The following AMZ2 variants were observed in gnomAD, a reference collection of about 807,000 sequenced individuals.
AMZ2 encodes archaelysin family metallopeptidase 2.
AMZ2 carries 26 observed loss-of-function variants against 36.7 expected under a neutral mutation model. That is an observed-to-expected ratio of 0.71 (90% CI 0.52 to 0.98). The LOEUF is 0.98. AMZ2 is among the 50% of genes least tolerant of loss of function. The pLI, the probability that AMZ2 is intolerant of heterozygous loss-of-function variation, is 0.00. For missense variants in AMZ2, 394 were observed against 430.5 expected (o/e 0.92, Z 0.75); for synonymous variants, 144 against 149.1 (o/e 0.97, Z 0.25).
At position 68,248,058 on chromosome 17, in the gene AMZ2, G is replaced by C; in HGVS notation, c.-648G>C. 1 of 986,268 alleles carries C rather than the reference G, an allele frequency of 1.0e-6. No individual in the cohort carries two copies. Among genetic ancestry groups the C allele is most frequent in the Non-Finnish European group, 1.2e-6 (1 of 830,556 alleles). 61.1% of individuals were successfully genotyped at this position (986,268 alleles called of 1,614,324 possible). A position where few individuals can be genotyped will look rare whatever the true frequency, so the allele number is the denominator to read the frequency against. On this transcript the variant is annotated 5_prime_UTR_variant, in exon 1 of 7. Transcript: ENST00000359904. ...GGCGTGGCGCAGTGCGAAGGGACGC[G>C]GTGCGCATGCGCGTGAGGGCTGCCG...
chr17:68,256,741 G>A, intron 6 of AMZ2, 73 bp from the exon 7 acceptor site: 3 of 1,507,438 alleles, frequency 2.0e-6, no homozygotes, highest in Non-Finnish European at 9.0e-7. Context: ...TGATCTAGAA[G>A]CCAATGCTTC....
intron 1 of AMZ2, among the ~76,000 whole-genome samples, chr17:68,230,686 A>G (rs9894222): frequency 0.32 from 48,204 of 152,010 alleles, 7,854 homozygotes; most frequent in Admixed American, 0.43. Flanking sequence ...TCATTTTATT[A>G]AGAAGGGAAC....
intron 1 of AMZ2, among the ~76,000 whole-genome samples, chr17:68,220,071 T>C (rs754850808): frequency 5.3e-5 from 8 of 152,204 alleles, no homozygotes; most frequent in Non-Finnish European, 1.2e-4. Flanking sequence ...ATATGAATTA[T>C]ATCTCAATAA....
intron 1 of AMZ2, among the ~76,000 whole-genome samples, chr17:68,241,474 C>T (rs2144645769): frequency 6.6e-6 from 1 of 152,178 alleles, no homozygotes; most frequent in South Asian, 2.1e-4. Flanking sequence ...GTCCTCATTT[C>T]TCATGGCAGT....
upstream of AMZ2, chr17:68,247,790 G>A: frequency 1.0e-6 from 1 of 985,556 alleles, no homozygotes; most frequent in Non-Finnish European, 1.2e-6. Context: ...CCGCGGAGCC[G>A]CCGCGAGCGC....
intron 1 of AMZ2, among the ~76,000 whole-genome samples, chr17:68,221,989 A>C (rs2144549336): frequency 6.6e-6 from 1 of 152,370 alleles, no homozygotes; most frequent in South Asian, 2.1e-4. Flanking sequence ...AAGTAAAGTT[A>C]GGGCTGCTGA....
In AMZ2 at chr17:68,255,840, GTGTGCTGTTGGCTTC is replaced by G; in HGVS notation, c.892_906del (p.Cys298_Phe302del). ...GCCCTATCTGTTTGCACAAGTTGCAGTGTGCTGTTGGCTTCAGCATTGTAGAAAGATACAAAGTAA... is the reference window on the plus strand; with the variant it reads ...GCCCTATCTGTTTGCACAAGTTGCAGAGCATTGTAGAAAGATACAAAGTAA... On this transcript the variant is annotated inframe_deletion, in exon 6 of 7. Coordinates refer to ENST00000359904, the MANE Select transcript of AMZ2 (RefSeq NM_016627.5). 1 of 1,614,204 alleles carries G rather than the reference GTGTGCTGTTGGCTTC, an allele frequency of 6.2e-7. No individual in the cohort carries two copies. The highest frequency in any genetic ancestry group is 2.2e-5 in the East Asian group (1 of 44,876).
intron 1 of AMZ2, among the ~76,000 whole-genome samples, chr17:68,213,165 G>GA (rs1167335969): frequency 9.2e-5 from 14 of 152,172 alleles, no homozygotes; most frequent in Admixed American, 2.0e-4. Context: ...CTTACCTGGT[G>GA]AAAAAAATGA....
At chr17:68,218,485 C>T (rs139313684) in intron 1 of AMZ2, among the ~76,000 whole-genome samples, 112 of 152,288 alleles carry the variant, frequency 7.4e-4, no homozygotes, top group Middle Eastern at 3.4e-3. Flanking sequence ...AACCACCACA[C>T]GCATTTAAGC....
intron 1 of AMZ2, among the ~76,000 whole-genome samples, chr17:68,218,606 T>C (rs1484407539): frequency 2.0e-5 from 3 of 152,200 alleles, no homozygotes; most frequent in Admixed American, 2.0e-4. Flanking sequence ...CATGTGAGCT[T>C]ATTGACTTTA....
intron 1 of AMZ2, among the ~76,000 whole-genome samples, chr17:68,228,911 G>A (rs117759819): frequency 0.016 from 2,397 of 152,338 alleles, 30 homozygotes; most frequent in Non-Finnish European, 0.027. Context: ...GGCCCTGTGT[G>A]TGTAGTATCC....
At chr17:68,211,546 G>A (rs1555725916) in intron 1 of AMZ2, among the ~76,000 whole-genome samples, 1 of 150,612 alleles carries the variant, frequency 6.6e-6, no homozygotes, top group Admixed American at 6.6e-5. Flanking sequence ...AAATAGTGGT[G>A]ATGGTTTTAC....
At chr17:68,233,946 C>T (rs2073729254) in intron 1 of AMZ2, among the ~76,000 whole-genome samples, 1 of 152,116 alleles carries the variant, frequency 6.6e-6, no homozygotes, top group African/African-American at 2.4e-5. Flanking sequence ...GTCAATAAGT[C>T]GTGTTTTATT....
intron 1 of AMZ2, among the ~76,000 whole-genome samples, chr17:68,209,632 A>ATATATATATGTATATATATATT: frequency 2.3e-4 from 21 of 90,668 alleles, no homozygotes; most frequent in South Asian, 3.9e-4. Context: ...ATATATATAT[A>ATATATATATGTATATATATATT]TTTTTTTTTT....
chr17:68,221,215 C>CCG (rs1555728432), intron 1 of AMZ2, among the ~76,000 whole-genome samples: 1 of 91,260 alleles, frequency 1.1e-5, no homozygotes, highest in Non-Finnish European at 2.3e-5. Context: ...CAGCTCCCCC[C>CCG]CCCGCCCCCC....
intron 1 of AMZ2, among the ~76,000 whole-genome samples, chr17:68,236,293 C>T (rs534901970): frequency 2.0e-5 from 3 of 151,938 alleles, no homozygotes; most frequent in South Asian, 4.1e-4. Flanking sequence ...TTTATAAACA[C>T]TTAAACTATG....
At chr17:68,224,378 C>G (rs1396970857) in intron 1 of AMZ2, among the ~76,000 whole-genome samples, 1 of 152,202 alleles carries the variant, frequency 6.6e-6, no homozygotes, top group African/African-American at 2.4e-5. Flanking sequence ...GGATTCAAAT[C>G]CAGGCTTCTG....
intron 1 of AMZ2, among the ~76,000 whole-genome samples, chr17:68,229,069 C>T (rs1568355214): frequency 1.3e-5 from 2 of 152,236 alleles, no homozygotes; most frequent in Non-Finnish European, 2.9e-5. Context: ...GCTGCCCTTG[C>T]TGCCTCATGG....
At chr17:68,246,264 A>G (rs1364587816), upstream of AMZ2, among the ~76,000 whole-genome samples, 1 of 151,300 alleles carries the variant, frequency 6.6e-6, no homozygotes, top group Admixed American at 6.6e-5. Flanking sequence ...GCTACTCTGT[A>G]GACTGAGGCA....
Sources: gnomAD v4.1 joint callset for allele counts (sites outside exome capture counted in the v4.1 genomes callset) on GRCh38, gnomAD v4.1.1 for gene constraint, MANE v1.5 for transcripts, NCBI Gene and HGNC (gene_info 2026-07-23, HGNC 2026-07-21) for gene names.